CDK19: variants seen among roughly 807,000 people sequenced by gnomAD.
The protein encoded by CDK19 is cyclin dependent kinase 19.
A neutral mutation model predicts 68.3 loss-of-function variants in CDK19; 20 were observed. That is an observed-to-expected ratio of 0.29 (90% confidence interval 0.21 to 0.43). The LOEUF (loss-of-function observed/expected upper bound fraction) is 0.43. CDK19 is among the 20% of genes least tolerant of loss of function. The probability of loss-of-function intolerance (pLI) is 1.00; values close to 1 mark genes in which losing one functional copy is unlikely to be tolerated. For missense variants in CDK19, 339 were observed against 623.5 expected, an observed-to-expected ratio of 0.54 and a Z score of 4.86; for synonymous variants, 221 against 222.8, an observed-to-expected ratio of 0.99 and a Z score of 0.07.
At chr6:110,719,987 C>G (rs1326445356) in intron 2 of CDK19, among the ~76,000 whole-genome samples, 30 of 85,114 alleles carry the variant, frequency 3.5e-4, no homozygotes, top group Non-Finnish European at 5.0e-4. Context: ...CCCCCCCCCA[C>G]CCCCCCCCTG....
At chr6:110,680,959 T>C (rs1479539692) in intron 2 of CDK19, among the ~76,000 whole-genome samples, 3 of 152,000 alleles carry the variant, frequency 2.0e-5, no homozygotes, top group African/African-American at 4.8e-5. Flanking sequence ...ATCGTCCCAC[T>C]GCACTCCAGC....
At chr6:110,616,629 AC>A in intron 12 of CDK19, among the ~76,000 whole-genome samples, 1 of 151,874 alleles carries the variant, frequency 6.6e-6, no homozygotes, top group South Asian at 2.1e-4. Context: ...GATTGGCGCC[AC>A]TGCACTCTAG....
chr6:110,696,133 C>A (rs930855715), intron 2 of CDK19, among the ~76,000 whole-genome samples: 1 of 151,992 alleles, frequency 6.6e-6, no homozygotes, highest in African/African-American at 2.4e-5. Context: ...AACAGCATAT[C>A]GAAAAGATAA....
At chr6:110,803,662 G>T (rs1453867103) in intron 1 of CDK19, among the ~76,000 whole-genome samples, 2 of 152,128 alleles carry the variant, frequency 1.3e-5, no homozygotes, top group African/African-American at 4.8e-5. Context: ...CTCTTAAAAT[G>T]CAATTACAAT....
In CDK19 at chr6:110,621,314, T is replaced by C; in HGVS notation, c.1167A>G (p.Ala389=). The C allele has an allele frequency of 1.2e-6, 2 of 1,604,314 alleles. No individual in the cohort carries two copies. The highest frequency in any genetic ancestry group is 1.7e-6 in the Non-Finnish European group (2 of 1,174,312). The change falls in exon 12 of 13, where the codon GCA becomes GCG. Residue 389 remains alanine (A), a synonymous_variant. Transcript: ENST00000368911. This position sits in a 1 kb window ranked among gnomAD's most constrained non-coding sequence, Gnocchi z 5.4. ...HQQPTAPPQQ[A]AAPPQAPPPQ... The stretch of plus-strand genomic sequence containing the variant: ...GTGGGGGCGCCTGTGGAGGGGCTGC[T>C]GCCTGCTGTGGAGGGGCTGTGGGCT...
intron 2 of CDK19, among the ~76,000 whole-genome samples, chr6:110,733,550 C>T (rs1776924788): frequency 1.3e-5 from 2 of 152,060 alleles, no homozygotes; most frequent in South Asian, 4.1e-4. Flanking sequence ...GTGGCTATAC[C>T]GTTTCATGCT....
chr6:110,749,254 G>A (rs564850752), intron 1 of CDK19, among the ~76,000 whole-genome samples: 7 of 152,294 alleles, frequency 4.6e-5, no homozygotes, highest in African/African-American at 1.4e-4. Context: ...GCAACACCAT[G>A]AAAACTTCAC....
chr6:110,710,085 C>G (rs1262969472), intron 2 of CDK19, among the ~76,000 whole-genome samples: 3 of 152,132 alleles, frequency 2.0e-5, no homozygotes, highest in Non-Finnish European at 4.4e-5. Context: ...ACTGGTAGAT[C>G]ACACATAACA....
intron 1 of CDK19, among the ~76,000 whole-genome samples, chr6:110,763,288 C>A (rs920235880): frequency 4.0e-5 from 6 of 151,848 alleles, no homozygotes; most frequent in African/African-American, 1.5e-4. Context: ...CAGTACTTGA[C>A]AATTTTTATA....
At chr6:110,750,610 A>G (rs1468561796) in intron 1 of CDK19, among the ~76,000 whole-genome samples, 1 of 152,218 alleles carries the variant, frequency 6.6e-6, no homozygotes, top group Non-Finnish European at 1.5e-5. Flanking sequence ...TTACATAGAA[A>G]GAAACCCCAA....
At chr6:110,777,545 A>G (rs1780494381) in intron 1 of CDK19, among the ~76,000 whole-genome samples, 1 of 152,240 alleles carries the variant, frequency 6.6e-6, no homozygotes, top group South Asian at 2.1e-4. Context: ...TGTTGGCAGG[A>G]GCATAAAATG....
At chr6:110,711,900 G>A (rs1340373570) in intron 2 of CDK19, among the ~76,000 whole-genome samples, 1 of 152,238 alleles carries the variant, frequency 6.6e-6, no homozygotes, top group Non-Finnish European at 1.5e-5. Flanking sequence ...CCCAGGCTGG[G>A]GGGCGGAGGT....
At chr6:110,726,358 G>A (rs1050282236) in intron 2 of CDK19, among the ~76,000 whole-genome samples, 3 of 152,164 alleles carry the variant, frequency 2.0e-5, no homozygotes, top group African/African-American at 7.2e-5. Context: ...AAAGGACACT[G>A]ATGTGTGTTG....
chr6:110,691,600 A>G (rs961338707), intron 2 of CDK19, among the ~76,000 whole-genome samples: 7 of 151,944 alleles, frequency 4.6e-5, no homozygotes, highest in African/African-American at 1.7e-4. Context: ...CCTGGACAAC[A>G]TGAGAAAACC....
intron 2 of CDK19, among the ~76,000 whole-genome samples, chr6:110,725,670 C>T (rs531512547): frequency 7.9e-5 from 12 of 152,144 alleles, no homozygotes; most frequent in Non-Finnish European, 1.6e-4. Flanking sequence ...GTCTCATAAG[C>T]AGCCAATCAG....
intron 1 of CDK19, among the ~76,000 whole-genome samples, chr6:110,759,459 C>A (rs1474071809): frequency 5.3e-5 from 6 of 113,032 alleles, no homozygotes; most frequent in African/African-American, 1.8e-4. Flanking sequence ...ATAAATTAGC[C>A]AGGCATAGTA....
chr6:110,725,024 G>A (rs1344102135), intron 2 of CDK19, among the ~76,000 whole-genome samples: 2 of 152,072 alleles, frequency 1.3e-5, no homozygotes, highest in African/African-American at 4.8e-5. Context: ...TACTATGTGA[G>A]CTCCAAAAGT....
Position 110,785,373 on chromosome 6 carries a change from T to C in CDK19, c.128+29636A>G, listed in dbSNP as rs541411469. 3.3e-5 allele frequency among the ~76,000 whole-genome samples: 5 copies of C among 152,322 alleles called. No homozygotes were observed. In the South Asian group the frequency reaches 1.0e-3, roughly 32 times the overall value. On this transcript the variant is annotated intron_variant, in intron 1 of 12. Coordinates refer to ENST00000368911, the MANE Select transcript of CDK19 (RefSeq NM_015076.5). ...AACTTAACTACTCATAGCCTACTGT[T>C]GACTGGAAACCTCACTGATAACATA...
At chr6:110,692,789 G>C (rs1045825894) in intron 2 of CDK19, among the ~76,000 whole-genome samples, 1 of 152,190 alleles carries the variant, frequency 6.6e-6, no homozygotes, top group Admixed American at 6.5e-5. Context: ...CTGAGGTCAA[G>C]AGTTTGAGAC....
Sources: allele counts gnomAD v4.1 joint callset (sites outside exome capture counted in the v4.1 genomes callset), GRCh38; gene constraint gnomAD v4.1.1; non-coding constraint Gnocchi (gnomAD v3.1); transcripts MANE v1.5; gene names NCBI Gene and HGNC (gene_info 2026-07-23, HGNC 2026-07-21).